Variants in NHEJ1 observed in about 807,000 individuals in gnomAD.
NHEJ1 encodes non-homologous end joining factor 1, also known as non-homologous end-joining factor 1.
In NHEJ1, 22 loss-of-function variants were observed where a neutral mutation model predicts 39.4. The observed-to-expected ratio is 0.56, with a 90% CI of 0.40 to 0.80. The LOEUF (loss-of-function observed/expected upper bound fraction) is 0.80. Among genes scored for constraint, NHEJ1 ranks in the 30% least tolerant of loss-of-function variants. The pLI is 0.00. For missense variants in NHEJ1, 329 were observed against 357.1 expected (o/e 0.92, Z 0.63); for synonymous variants, 154 against 135.6 (o/e 1.14, Z -0.94).
At chr2:219,130,003 G>T (rs1478372859) in intron 5 of NHEJ1, among the ~76,000 whole-genome samples, 8 of 141,150 alleles carry the variant, frequency 5.7e-5, no homozygotes, top group African/African-American at 7.9e-5. Context: ...CCCTCTCTCA[G>T]TTCTATTTTC....
chr2:219,093,779 A>G (rs1381328169), intron 5 of NHEJ1, among the ~76,000 whole-genome samples: 1 of 152,248 alleles, frequency 6.6e-6, no homozygotes, highest in Non-Finnish European at 1.5e-5. Context: ...AATATTTTAT[A>G]GTAAAAATAT....
intron 7 of NHEJ1, 70 bp from the exon 8 acceptor site, chr2:219,076,525 C>CCTAA: frequency 1.1e-6 from 1 of 944,862 alleles, no homozygotes; most frequent in Non-Finnish European, 1.6e-6. Flanking sequence ...AAGGAACTTT[C>CCTAA]TTCCTCTCAT....
At chr2:219,136,756 T>C (rs1461606530) in intron 5 of NHEJ1, among the ~76,000 whole-genome samples, 7 of 150,812 alleles carry the variant, frequency 4.6e-5, no homozygotes, top group African/African-American at 9.7e-5. Context: ...GCACCCACCA[T>C]TGCACCCAGC....
chr2:219,102,962 G>A lies in NHEJ1; in HGVS notation c.589-24756C>T, dbSNP rs866853385. Among the ~76,000 whole-genome samples the A allele has an allele frequency of 1.0e-4, 12 of 117,034 alleles. 1 individual carries two copies. The highest frequency in any genetic ancestry group is 3.1e-4 in the African/African-American group (9 of 29,082). 76.8% of individuals were successfully genotyped at this position (117,034 alleles called of 152,430 possible). On this transcript the variant is annotated intron_variant, in intron 5 of 7. Transcript: ENST00000356853. The stretch of plus-strand genomic sequence containing the variant: ...GGAGCTTGCAGTGAGCCGAGATCCC[G>A]CCACTGCACTCCAGCCTGGGCGACA...
In NHEJ1 at chr2:219,073,118, C is replaced by A. The variant is rs940131980; in HGVS notation, c.*3263G>T. The stretch of plus-strand genomic sequence containing the variant: ...TCAAGAGATGTGAGCATCTCTCCTT[C>A]CCCCAGTGCTCACTGTGGGTGCGCT... On this transcript the variant is annotated 3_prime_UTR_variant, in exon 8 of 8. Coordinates refer to ENST00000356853, the MANE Select transcript of NHEJ1 (RefSeq NM_024782.3). 6.6e-6 allele frequency among the ~76,000 whole-genome samples: 1 copy of A among 152,120 alleles called. No individual in the cohort carries two copies. The highest frequency in any genetic ancestry group is 1.5e-5 in the Non-Finnish European group (1 of 68,016).
intron 2 of NHEJ1, among the ~76,000 whole-genome samples, 181 bp downstream of exon 2, chr2:219,158,005 A>T (rs1407928448): frequency 6.7e-5 from 10 of 148,346 alleles, no homozygotes; most frequent in African/African-American, 2.6e-4. Flanking sequence ...ACACACACAC[A>T]CACACACACA....
chr2:219,153,692 A>C (rs11695842), intron 3 of NHEJ1, among the ~76,000 whole-genome samples: 1 of 79,420 alleles, frequency 1.3e-5, no homozygotes, highest in East Asian at 4.3e-4. Flanking sequence ...AAGAAAGAAA[A>C]GGGGGGGGGG....
intron 5 of NHEJ1, among the ~76,000 whole-genome samples, chr2:219,093,701 G>A (rs1428155021): frequency 3.3e-5 from 5 of 152,204 alleles, no homozygotes; most frequent in Non-Finnish European, 5.9e-5. Flanking sequence ...TTAATTAAAT[G>A]TTTAAAAATG....
intron 5 of NHEJ1, among the ~76,000 whole-genome samples, chr2:219,104,165 C>T (rs73991040): frequency 0.016 from 2,456 of 152,152 alleles, 69 homozygotes; most frequent in African/African-American, 0.056. Context: ...CCAGGAGCAT[C>T]CTACTTTATG....
intron 5 of NHEJ1, among the ~76,000 whole-genome samples, chr2:219,139,376 C>G (rs908251748): frequency 5.3e-5 from 8 of 152,188 alleles, no homozygotes; most frequent in African/African-American, 1.7e-4. Context: ...GCATGAGCCA[C>G]CCCACCTGGC....
intron 5 of NHEJ1, among the ~76,000 whole-genome samples, chr2:219,117,051 C>A (rs955666389): frequency 1.3e-5 from 2 of 152,058 alleles, no homozygotes; most frequent in African/African-American, 2.4e-5. Context: ...CCATCCAACA[C>A]AAAGTTAATT....
intron 3 of NHEJ1, among the ~76,000 whole-genome samples, chr2:219,154,175 G>A (rs1376929891): frequency 6.6e-6 from 1 of 151,962 alleles, no homozygotes; most frequent in Non-Finnish European, 1.5e-5. Context: ...TTTTTTTAAG[G>A]CTCATCAAGT....
intron 5 of NHEJ1, among the ~76,000 whole-genome samples, chr2:219,117,862 C>T (rs988770406): frequency 6.6e-6 from 1 of 152,162 alleles, no homozygotes; most frequent in African/African-American, 2.4e-5. Context: ...AGATTTATAG[C>T]CAGGATGCCT....
intron 5 of NHEJ1, among the ~76,000 whole-genome samples, chr2:219,123,856 G>A (rs909047273): frequency 6.6e-6 from 1 of 152,108 alleles, no homozygotes; most frequent in African/African-American, 2.4e-5. Context: ...AGAGGGTGGG[G>A]GCTACTCTCA....
intron 5 of NHEJ1, among the ~76,000 whole-genome samples, chr2:219,086,208 GT>G (rs1236856847): frequency 6.6e-6 from 1 of 152,140 alleles, no homozygotes; most frequent in South Asian, 2.1e-4. Context: ...TTATTTTGGG[GT>G]TTTTTTCTTA....
intron 5 of NHEJ1, among the ~76,000 whole-genome samples, chr2:219,131,019 A>C (rs1949572863): frequency 6.6e-6 from 1 of 152,124 alleles, no homozygotes; most frequent in Non-Finnish European, 1.5e-5. Flanking sequence ...TTGAGCCTGG[A>C]ACATCAAGTC....
At chr2:219,094,471 A>G (rs935762051) in intron 5 of NHEJ1, among the ~76,000 whole-genome samples, 1 of 152,080 alleles carries the variant, frequency 6.6e-6, no homozygotes, top group African/African-American at 2.4e-5. Context: ...TCCTAAATGG[A>G]TATGATCAGG....
chr2:219,147,419 T>C (rs539808881), intron 4 of NHEJ1, among the ~76,000 whole-genome samples: 1 of 152,304 alleles, frequency 6.6e-6, no homozygotes, highest in Non-Finnish European at 1.5e-5. Context: ...GAGGCGGAAG[T>C]TGCAGTGAGC....
intron 5 of NHEJ1, among the ~76,000 whole-genome samples, chr2:219,114,217 A>G (rs989149086): frequency 3.3e-5 from 5 of 152,220 alleles, no homozygotes; most frequent in Non-Finnish European, 7.3e-5. Flanking sequence ...CTCTCCACCC[A>G]TAGCTCCATC....
Sources: allele counts gnomAD v4.1 joint callset (sites outside exome capture counted in the v4.1 genomes callset), GRCh38; gene constraint gnomAD v4.1.1; transcripts MANE v1.5; gene names NCBI Gene and HGNC (gene_info 2026-07-23, HGNC 2026-07-21).